COLGALT2: variants seen among roughly 807,000 people sequenced by gnomAD.
COLGALT2 encodes procollagen galactosyltransferase 2.
A neutral mutation model predicts 73.4 loss-of-function variants in COLGALT2; 49 were observed. That is an observed-to-expected ratio of 0.67 (90% CI 0.53 to 0.85). The LOEUF (loss-of-function observed/expected upper bound fraction) is 0.85. COLGALT2 is among the 40% of genes least tolerant of loss of function. The pLI is 0.00. For synonymous variants in COLGALT2, 295 were observed against 307.6 expected, an observed-to-expected ratio of 0.96 and a Z score of 0.43; for missense variants, 722 against 790.2, an observed-to-expected ratio of 0.91 and a Z score of 1.03.
rs542899577 is a variant in COLGALT2 at position 184,037,085 on chromosome 1, G to C, written c.263+10C>G. On this transcript the variant is annotated intron_variant, in intron 1 of 11. Coordinates refer to ENST00000361927, the MANE Select transcript of COLGALT2 (RefSeq NM_015101.4). ...CCCGCCGCGGCGGCCCGGGGCCCGT[G>C]CGCGCTCACCAGATGGCCATCCTGC... 2 of 1,552,144 alleles carry C rather than the reference G, an allele frequency of 1.3e-6. No homozygotes were observed. Among genetic ancestry groups the C allele is most frequent in the African/African-American group, 2.8e-5 (2 of 70,298 alleles).
intron 2 of COLGALT2, among the ~76,000 whole-genome samples, chr1:183,976,972 A>C (rs540979626): frequency 1.3e-5 from 2 of 152,330 alleles, no homozygotes; most frequent in East Asian, 3.9e-4. Flanking sequence ...AAATAAAAGA[A>C]ACGTTCTGGA....
At chr1:183,970,818 A>G (rs149471434) in intron 4 of COLGALT2, among the ~76,000 whole-genome samples, 114 of 152,346 alleles carry the variant, frequency 7.5e-4, no homozygotes, top group African/African-American at 2.4e-3. Flanking sequence ...TATCATTACT[A>G]TAATGTTTTT....
At chr1:183,977,485 AG>A (rs1322531574) in intron 2 of COLGALT2, among the ~76,000 whole-genome samples, 2 of 150,558 alleles carry the variant, frequency 1.3e-5, no homozygotes, top group African/African-American at 4.9e-5. Context: ...AAAAAAAAAA[AG>A]AAAGAAATTG....
chr1:183,958,783 C>A (rs1670619679), intron 6 of COLGALT2, among the ~76,000 whole-genome samples: 1 of 150,638 alleles, frequency 6.6e-6, no homozygotes, highest in South Asian at 2.1e-4. Context: ...TAATTACCTT[C>A]TCTTTTACAT....
intron 1 of COLGALT2, among the ~76,000 whole-genome samples, chr1:184,010,974 G>A (rs1243697938): frequency 6.6e-6 from 1 of 152,162 alleles, no homozygotes. Flanking sequence ...CCAGTGGGGA[G>A]GAAGGCCTGT....
In COLGALT2 at chr1:183,975,150, G is replaced by C; in HGVS notation, c.439C>G (p.Leu147Val). Residue 147 changes from leucine to valine, a missense_variant, in exon 3 of 12, where the codon CTA becomes GTA. Transcript: ENST00000361927. The stretch of plus-strand genomic sequence containing the variant: ...GCAGTTCGAAGGGCTGCCTGTCGTA[G>C]TTTCATCACATGGGCAAACCGGGAG... ...PTSRFAHVMK[L>V]RQAALRTARE... 1.2e-6 allele frequency: 2 copies of C among 1,614,132 alleles called. No homozygotes were observed. The highest frequency in any genetic ancestry group is 1.7e-6 in the Non-Finnish European group (2 of 1,180,002).
chr1:183,991,875 A>G (rs1177653914), intron 1 of COLGALT2, among the ~76,000 whole-genome samples: 1 of 150,500 alleles, frequency 6.6e-6, no homozygotes, highest in Admixed American at 6.6e-5. Flanking sequence ...TTTTTTTTCC[A>G]TTTCTATTCT....
intron 1 of COLGALT2, among the ~76,000 whole-genome samples, chr1:184,035,533 C>A (rs77956491): frequency 1.6e-4 from 24 of 152,262 alleles, no homozygotes; most frequent in Non-Finnish European, 3.4e-4. Context: ...GCAAAATAAA[C>A]ATCATAGCAT....
At chr1:183,977,802 GAAAGAGAGAA>G (rs1671240386) in intron 2 of COLGALT2, among the ~76,000 whole-genome samples, 1 of 129,900 alleles carries the variant, frequency 7.7e-6, no homozygotes, top group Non-Finnish European at 1.6e-5. Context: ...AAGAAAGAAG[GAAAGAGAGAA>G]AGAGAGAGAG....
chr1:183,942,456 A>G (rs1181444583), intron 10 of COLGALT2, among the ~76,000 whole-genome samples: 1 of 152,172 alleles, frequency 6.6e-6, no homozygotes, highest in East Asian at 1.9e-4. Context: ...ATTTAGTCTA[A>G]TTTATTTTTA....
At position 183,939,002 on chromosome 1, in the gene COLGALT2, A is replaced by G. The variant is rs1670038662; in HGVS notation, c.1640T>C (p.Leu547Pro). ...EYKEYYESRD[L>P]KAFSAEPLLI... is the part of the protein sequence containing the mutation. The stretch of plus-strand genomic sequence containing the variant: ...CAAGGGTTCTGCAGAGAAGGCTTTC[A>G]GGTCCCTGGATTCATAATACTCCTT... Residue 547 changes from leucine (L) to proline (P), a missense_variant, in exon 12 of 12, where the codon CTG becomes CCG. Physicochemically the swap from Leu to Pro is moderately conservative, Grantham distance 98. Coordinates refer to ENST00000361927, the MANE Select transcript of COLGALT2 (RefSeq NM_015101.4). The G allele has an allele frequency of 6.2e-7, 1 of 1,614,016 alleles. No individual in the cohort carries two copies. The highest frequency in any genetic ancestry group is 1.7e-5 in the Admixed American group (1 of 60,006).
At chr1:183,966,756 G>A (rs528817002) in intron 5 of COLGALT2, among the ~76,000 whole-genome samples, 1 of 152,304 alleles carries the variant, frequency 6.6e-6, no homozygotes, top group East Asian at 1.9e-4. Flanking sequence ...AATGGGAGGT[G>A]AACTCTTGAC....
At chr1:184,010,477 A>T (rs1409804) in intron 1 of COLGALT2, among the ~76,000 whole-genome samples, 2 of 152,134 alleles carry the variant, frequency 1.3e-5, no homozygotes, top group African/African-American at 4.8e-5. Context: ...CTTGAAAGGC[A>T]CAGAGGGGCA....
chr1:184,021,300 C>T (rs1395296994), intron 1 of COLGALT2, among the ~76,000 whole-genome samples: 1 of 152,056 alleles, frequency 6.6e-6, no homozygotes, highest in Admixed American at 6.5e-5. Context: ...TTTTTAGTGA[C>T]TTATATGGTT....
At chr1:184,029,340 G>A (rs1649431421) in intron 1 of COLGALT2, among the ~76,000 whole-genome samples, 1 of 152,206 alleles carries the variant, frequency 6.6e-6, no homozygotes, top group African/African-American at 2.4e-5. Context: ...TCACTCGCTG[G>A]CAGCTTGCCA....
downstream of COLGALT2, among the ~76,000 whole-genome samples, chr1:183,932,096 G>T (rs1669860534): frequency 6.6e-6 from 1 of 152,124 alleles, no homozygotes; most frequent in African/African-American, 2.4e-5. Context: ...TATGTATCAG[G>T]CTGTGTGTGT....
intron 1 of COLGALT2, among the ~76,000 whole-genome samples, chr1:184,009,265 A>G (rs1672170118): frequency 6.6e-6 from 1 of 152,230 alleles, no homozygotes. Flanking sequence ...ATGTGAATTA[A>G]GAACAACAAA....
At chr1:184,018,796 A>C (rs989244624) in intron 1 of COLGALT2, among the ~76,000 whole-genome samples, 1 of 152,186 alleles carries the variant, frequency 6.6e-6, no homozygotes, top group African/African-American at 2.4e-5. Flanking sequence ...ATGCTGCAAG[A>C]TTCTCCAGAC....
intron 1 of COLGALT2, among the ~76,000 whole-genome samples, chr1:184,017,129 A>T (rs547083257): frequency 6.6e-6 from 1 of 152,362 alleles, no homozygotes; most frequent in Admixed American, 6.5e-5. Context: ...AATGTTATGT[A>T]CTTGGACATA....
Sources: gnomAD v4.1 joint callset for allele counts (sites outside exome capture counted in the v4.1 genomes callset) on GRCh38, gnomAD v4.1.1 for gene constraint, MANE v1.5 for transcripts, NCBI Gene and HGNC (gene_info 2026-07-23, HGNC 2026-07-21) for gene names.